Variants in MAST2 observed in about 807,000 individuals in gnomAD.
MAST2 encodes microtubule-associated serine/threonine-protein kinase 2.
In MAST2, 70 loss-of-function variants were observed where a neutral mutation model predicts 147.4. The ratio of observed to expected loss-of-function variants is 0.47; its 90% CI spans 0.39 to 0.58. MAST2 has a LOEUF of 0.58. Ranked by LOEUF, MAST2 falls within the 20% of genes least tolerant of loss-of-function variation. The probability of loss-of-function intolerance (pLI) is 0.00; values close to 1 mark genes in which losing one functional copy is unlikely to be tolerated. For synonymous variants in MAST2, 869 were observed against 896.8 expected (o/e 0.97, Z 0.55); for missense variants, 2,080 against 2,302.3 (o/e 0.90, Z 1.98).
chr1:45,844,899 G>A lies in MAST2; in HGVS notation c.468+15318G>A, dbSNP rs76598914. Among the ~76,000 whole-genome samples, 89 of 152,254 alleles carry A rather than the reference G, an allele frequency of 5.8e-4. No homozygotes were observed. The East Asian group carries it at 0.013, about 22-fold the overall frequency. On this transcript the variant is annotated intron_variant, in intron 3 of 28. Transcript: ENST00000361297. Reference sequence around the variant, plus strand: ...TGGGGCTCAGAAGCCCAAGATCAAGGTACCAGCATCTGATGAGGGCTTTCT... The same window carrying A: ...TGGGGCTCAGAAGCCCAAGATCAAGATACCAGCATCTGATGAGGGCTTTCT...
At chr1:45,890,478 A>G (rs1164789768) in intron 4 of MAST2, among the ~76,000 whole-genome samples, 2 of 152,162 alleles carry the variant, frequency 1.3e-5, no homozygotes, top group African/African-American at 4.8e-5. Context: ...GCCTGAGGAT[A>G]GGGGCATAGA....
intron 4 of MAST2, among the ~76,000 whole-genome samples, chr1:45,943,915 T>A (rs1232191933): frequency 6.6e-6 from 1 of 152,200 alleles, no homozygotes; most frequent in Non-Finnish European, 1.5e-5. Flanking sequence ...TAACAACCTA[T>A]ATAAGCAAGC....
chr1:45,831,481 A>G (rs1644954122), intron 3 of MAST2, among the ~76,000 whole-genome samples: 1 of 152,184 alleles, frequency 6.6e-6, no homozygotes, highest in Non-Finnish European at 1.5e-5. Context: ...CCACAGAGAG[A>G]ATCAGGATCA....
At chr1:45,850,000 G>A (rs1253794855) in intron 3 of MAST2, among the ~76,000 whole-genome samples, 1 of 152,214 alleles carries the variant, frequency 6.6e-6, no homozygotes, top group Admixed American at 6.5e-5. Context: ...TGGTAGTTCA[G>A]TTTTAGGCTC....
intron 16 of MAST2, among the ~76,000 whole-genome samples, chr1:46,026,077 CA>C (rs1646397504): frequency 6.6e-6 from 1 of 152,130 alleles, no homozygotes; most frequent in African/African-American, 2.4e-5. Flanking sequence ...CAAGCAAGAA[CA>C]AAAGAATAAG....
intron 22 of MAST2, 75 bp downstream of exon 22, chr1:46,030,836 G>C: frequency 6.7e-7 from 1 of 1,483,842 alleles, no homozygotes; most frequent in East Asian, 2.4e-5. Flanking sequence ...GAGAGATTCC[G>C]ATGCCAGGGA....
chr1:45,874,744 T>G (rs1020505599), intron 3 of MAST2, among the ~76,000 whole-genome samples: 5 of 152,210 alleles, frequency 3.3e-5, no homozygotes, highest in African/African-American at 1.2e-4. Context: ...TAATTCCTAC[T>G]CTCCTGGAGC....
chr1:45,933,924 A>T (rs1235513148), intron 4 of MAST2, among the ~76,000 whole-genome samples: 1 of 150,120 alleles, frequency 6.7e-6, no homozygotes, highest in East Asian at 2.0e-4. Flanking sequence ...TTTTTCCCCA[A>T]CTTTAGCTTT....
intron 18 of MAST2, 40 bp downstream of exon 18, chr1:46,028,973 T>C (rs1169174000): frequency 6.6e-7 from 1 of 1,524,326 alleles, no homozygotes; most frequent in Non-Finnish European, 8.8e-7. Flanking sequence ...AAACAGAGTC[T>C]GAATCCACAA....
At chr1:45,876,665 A>G (rs6682683) in intron 3 of MAST2, among the ~76,000 whole-genome samples, 51,706 of 151,984 alleles carry the variant, frequency 0.34, 9,198 homozygotes, top group African/African-American at 0.44. Flanking sequence ...GAAAAGGAGG[A>G]TTGAGAAATC....
intron 5 of MAST2, among the ~76,000 whole-genome samples, chr1:45,995,025 A>G (rs1243778790): frequency 6.6e-6 from 1 of 152,026 alleles, no homozygotes; most frequent in African/African-American, 2.4e-5. Flanking sequence ...ATTTTTTAGT[A>G]GAGACAGGGT....
At chr1:45,835,662 A>G (rs1467655608) in intron 3 of MAST2, among the ~76,000 whole-genome samples, 5 of 152,200 alleles carry the variant, frequency 3.3e-5, no homozygotes, top group African/African-American at 1.2e-4. Flanking sequence ...CATTTCATGC[A>G]TTCACAATGT....
chr1:45,830,951 G>A (rs900783893), intron 3 of MAST2, among the ~76,000 whole-genome samples: 10 of 150,900 alleles, frequency 6.6e-5, no homozygotes, highest in Non-Finnish European at 8.8e-5. Flanking sequence ...TGGGATAATC[G>A]CTTGAGCCTG....
intron 4 of MAST2, among the ~76,000 whole-genome samples, chr1:45,902,690 T>G: frequency 6.6e-6 from 1 of 152,116 alleles, no homozygotes; most frequent in East Asian, 1.9e-4. Flanking sequence ...GGATTTCCAT[T>G]TCTTCCTGGT....
chr1:46,008,390 G>A lies in MAST2; in HGVS notation c.978+19G>A. On this transcript the variant is annotated intron_variant, in intron 9 of 28. Transcript: ENST00000361297. ...CCCAAAGGTAAGGATCCATTTAAAA[G>A]GAGAGTGGCAATACCCCTCCGGGTG... is the stretch of plus-strand genomic sequence containing the variant. The A allele has an allele frequency of 6.3e-7, 1 of 1,587,138 alleles. No individual in the cohort carries two copies. The highest frequency in any genetic ancestry group is 8.7e-7 in the Non-Finnish European group (1 of 1,155,498).
At chr1:45,874,809 A>G (rs923060009) in intron 3 of MAST2, among the ~76,000 whole-genome samples, 6 of 152,212 alleles carry the variant, frequency 3.9e-5, no homozygotes, top group Admixed American at 6.5e-5. Flanking sequence ...CCAGTGAAGT[A>G]GGTATGATTG....
rs555086492 is a variant in MAST2 at position 45,954,985 on chromosome 1, A to G, written c.501-4401A>G. Among the ~76,000 whole-genome samples, 132 of 148,876 alleles carry G rather than the reference A, an allele frequency of 8.9e-4. 1 individual carries two copies. Among genetic ancestry groups the G allele is most frequent in the East Asian group, 3.9e-3 (20 of 5,122 alleles). On this transcript the variant is annotated intron_variant, in intron 4 of 28. Coordinates refer to ENST00000361297, the MANE Select transcript of MAST2 (RefSeq NM_015112.3). ...TTTACCTTTCATAGGCCAGGTATAC[A>G]TGTATCTTCTTTATTTTAATCCTTG...
In MAST2 at chr1:46,032,267, G is replaced by C. The variant is rs751984188; in HGVS notation, c.3277G>C (p.Asp1093His). The change falls in exon 25 of 29, where the codon GAC becomes CAC. Residue 1093 changes from aspartate (D) to histidine (H), a missense_variant. Transcript: ENST00000361297. ...PSSRDSSPSR[D>H]FLPALGSMRP... ...ATCCCGGGACTCTTCTCCAAGCAGG[G>C]ACTTCTTGCCAGCCCTTGGCAGCAT... is the stretch of plus-strand genomic sequence containing the variant. 85 of 1,614,062 alleles carry C rather than the reference G, an allele frequency of 5.3e-5. No individual in the cohort carries two copies. Among genetic ancestry groups the C allele is most frequent in the Middle Eastern group, 3.3e-4 (2 of 6,084 alleles).
At chr1:45,959,672 A>G (rs1557966023) in intron 5 of MAST2, among the ~76,000 whole-genome samples, 195 bp downstream of exon 5, 1 of 152,162 alleles carries the variant, frequency 6.6e-6, no homozygotes, top group Non-Finnish European at 1.5e-5. Context: ...GTTGTTTCTT[A>G]CCTTGTTCTC....
Sources: gnomAD v4.1 joint callset for allele counts (sites outside exome capture counted in the v4.1 genomes callset) on GRCh38, gnomAD v4.1.1 for gene constraint, MANE v1.5 for transcripts, NCBI Gene and HGNC (gene_info 2026-07-23, HGNC 2026-07-21) for gene names.